The following FHOD3 variants were observed in gnomAD, a reference collection of about 807,000 sequenced individuals.
FHOD3 encodes the protein FH1/FH2 domain-containing protein 3.
A neutral mutation model predicts 173.0 loss-of-function variants in FHOD3; 90 were observed. The observed-to-expected ratio is 0.52, with a 90% CI of 0.44 to 0.62. The LOEUF is 0.62. Among genes scored for constraint, FHOD3 ranks in the 20% least tolerant of loss-of-function variants. The pLI is 0.00. For synonymous variants in FHOD3, 828 were observed against 823.0 expected, an observed-to-expected ratio of 1.01 and a Z score of -0.10; for missense variants, 1,945 against 2,034.7, an observed-to-expected ratio of 0.96 and a Z score of 0.85.
chr18:36,679,006 T>C (rs1272143120), intron 14 of FHOD3, among the ~76,000 whole-genome samples: 1 of 152,208 alleles, frequency 6.6e-6, no homozygotes, highest in Non-Finnish European at 1.5e-5. Flanking sequence ...GAACTCTTCC[T>C]TGAGTAGTAG....
At chr18:36,773,628 G>T (rs2043495171) in intron 28 of FHOD3, among the ~76,000 whole-genome samples, 1 of 152,170 alleles carries the variant, frequency 6.6e-6, no homozygotes, top group South Asian at 2.1e-4. Context: ...TCTATGACAG[G>T]TTCCCGCCAC....
intron 27 of FHOD3, among the ~76,000 whole-genome samples, chr18:36,765,155 G>T (rs1473552367): frequency 6.6e-6 from 1 of 152,218 alleles, no homozygotes; most frequent in African/African-American, 2.4e-5. Context: ...GTCAGCGGGT[G>T]ATGCTGTGCT....
chr18:36,762,436 T>G (rs2042921472), intron 27 of FHOD3, among the ~76,000 whole-genome samples: 1 of 152,212 alleles, frequency 6.6e-6, no homozygotes, highest in South Asian at 2.1e-4. Flanking sequence ...TTCATGTGAC[T>G]ACAGTGTTAC....
chr18:36,466,872 T>A (rs1048525683), intron 3 of FHOD3, among the ~76,000 whole-genome samples: 2 of 151,980 alleles, frequency 1.3e-5, no homozygotes, highest in Non-Finnish European at 2.9e-5. Context: ...TTTTAGCTTT[T>A]TTTTTTTTGG....
At chr18:36,487,353 C>CA (rs2054244697) in intron 3 of FHOD3, among the ~76,000 whole-genome samples, 1 of 152,124 alleles carries the variant, frequency 6.6e-6, no homozygotes, top group Non-Finnish European at 1.5e-5. Context: ...TTGTAACATG[C>CA]AAAACGTAGC....
chr18:36,640,583 T>C (rs2035234411), intron 10 of FHOD3, among the ~76,000 whole-genome samples: 2 of 152,252 alleles, frequency 1.3e-5, no homozygotes, highest in South Asian at 2.1e-4. Context: ...GAATATCTTA[T>C]ATGTCCTATG....
At chr18:36,488,846 C>A (rs1385879544) in intron 3 of FHOD3, among the ~76,000 whole-genome samples, 1 of 152,164 alleles carries the variant, frequency 6.6e-6, no homozygotes, top group Non-Finnish European at 1.5e-5. Context: ...AAGTGCAAAG[C>A]AGGCACAGGT....
intron 14 of FHOD3, among the ~76,000 whole-genome samples, chr18:36,665,896 T>C (rs987527197): frequency 6.6e-6 from 1 of 152,144 alleles, no homozygotes; most frequent in African/African-American, 2.4e-5. Flanking sequence ...ACAGGTGGAC[T>C]TGGGGCTGTG....
intron 3 of FHOD3, among the ~76,000 whole-genome samples, chr18:36,479,431 C>T (rs1478046970): frequency 1.3e-5 from 2 of 152,088 alleles, no homozygotes; most frequent in African/African-American, 4.8e-5. Context: ...GTCCAGATTT[C>T]CTTGCTTGCT....
chr18:36,592,441 T>C (rs1240510465), intron 6 of FHOD3, among the ~76,000 whole-genome samples: 1 of 152,208 alleles, frequency 6.6e-6, no homozygotes, highest in East Asian at 1.9e-4. Context: ...CACACAACTG[T>C]AGAGCTTAGC....
At chr18:36,468,175 C>G (rs1168885356) in intron 3 of FHOD3, among the ~76,000 whole-genome samples, 1 of 152,156 alleles carries the variant, frequency 6.6e-6, no homozygotes, top group Non-Finnish European at 1.5e-5. Flanking sequence ...CCAGGTGCAT[C>G]CCCACAGGGA....
At chr18:36,336,666 G>C (rs1407443683) in intron 1 of FHOD3, among the ~76,000 whole-genome samples, 1 of 130,432 alleles carries the variant, frequency 7.7e-6, no homozygotes, top group East Asian at 2.3e-4. Flanking sequence ...GTGAAACCCT[G>C]TTTCTGCTAA....
chr18:36,467,277 G>C (rs768113355), intron 3 of FHOD3, among the ~76,000 whole-genome samples: 63 of 152,260 alleles, frequency 4.1e-4, no homozygotes, highest in Admixed American at 9.2e-4. Flanking sequence ...CAGACTGTCA[G>C]CCCCTCCATG....
intron 2 of FHOD3, among the ~76,000 whole-genome samples, chr18:36,365,366 A>G (rs1190623011): frequency 6.6e-6 from 1 of 152,224 alleles, no homozygotes; most frequent in Admixed American, 6.5e-5. Context: ...TAAATCATAT[A>G]TCTGATATCT....
chr18:36,530,763 T>C (rs1433095305), intron 5 of FHOD3, among the ~76,000 whole-genome samples: 1 of 152,250 alleles, frequency 6.6e-6, no homozygotes, highest in Non-Finnish European at 1.5e-5. Context: ...TTATTCATAA[T>C]GTTCTCATAA....
At chr18:36,702,479 C>T (rs761976671) in intron 17 of FHOD3, among the ~76,000 whole-genome samples, 38 of 152,296 alleles carry the variant, frequency 2.5e-4, no homozygotes, top group Non-Finnish European at 4.3e-4. Flanking sequence ...TTAAAACACA[C>T]GTCTGTAGTC....
intron 5 of FHOD3, among the ~76,000 whole-genome samples, chr18:36,558,009 C>G (rs1349367097): frequency 6.6e-6 from 1 of 152,194 alleles, no homozygotes; most frequent in African/African-American, 2.4e-5. Context: ...ATTTTCTTGT[C>G]TGGCTGGTGG....
At chr18:36,690,221 C>G (rs866694046) in intron 16 of FHOD3, among the ~76,000 whole-genome samples, 3 of 152,064 alleles carry the variant, frequency 2.0e-5, no homozygotes, top group South Asian at 2.1e-4. Flanking sequence ...ATGACAGGCA[C>G]TTGACAAACA....
At chr18:36,306,299 G>A (rs1598640272) in intron 1 of FHOD3, among the ~76,000 whole-genome samples, 1 of 152,182 alleles carries the variant, frequency 6.6e-6, no homozygotes, top group African/African-American at 2.4e-5. Flanking sequence ...CCACAGCCTC[G>A]AGTGTGTTTC....
Sources: gnomAD v4.1 joint callset for allele counts (sites outside exome capture counted in the v4.1 genomes callset) on GRCh38, gnomAD v4.1.1 for gene constraint, MANE v1.5 for transcripts, NCBI Gene and HGNC (gene_info 2026-07-23, HGNC 2026-07-21) for gene names.